The following CHMP7 variants were observed in gnomAD, a reference collection of about 807,000 sequenced individuals.
CHMP7 encodes charged multivesicular body protein 7.
Under a neutral mutation model 53.7 loss-of-function variants are expected in CHMP7, and 15 were observed. That is an observed-to-expected ratio of 0.28 (90% CI 0.19 to 0.43). The LOEUF (loss-of-function observed/expected upper bound fraction) is 0.43. Among genes scored for constraint, CHMP7 ranks in the 20% least tolerant of loss-of-function variants. CHMP7 has a pLI of 1.00. For synonymous variants in CHMP7, 261 were observed against 228.0 expected (o/e 1.14, Z -1.30); for missense variants, 527 against 569.4 (o/e 0.93, Z 0.76).
chr8:23,250,127 C>T (rs1220326814), intron 3 of CHMP7, among the ~76,000 whole-genome samples: 1 of 152,202 alleles, frequency 6.6e-6, no homozygotes, highest in East Asian at 1.9e-4. Flanking sequence ...CGGAGCCACA[C>T]CACAGCCTTA....
intron 5 of CHMP7, 92 bp downstream of exon 5, chr8:23,256,685 G>T (rs1802139692): frequency 5.1e-6 from 5 of 977,008 alleles, no homozygotes; most frequent in Non-Finnish European, 7.2e-6. Context: ...TTAAAAAATA[G>T]GTGGGTTTTT....
At chr8:23,245,508 G>C (rs1801654546) in intron 1 of CHMP7, among the ~76,000 whole-genome samples, 1 of 152,176 alleles carries the variant, frequency 6.6e-6, no homozygotes, top group Non-Finnish European at 1.5e-5. Context: ...TTGATACATT[G>C]TGGGTTTCAA....
In CHMP7 at chr8:23,246,244, C is replaced by A. The variant is rs1438083464; in HGVS notation, c.-440-12C>A. On this transcript the variant is annotated splice_polypyrimidine_tract_variant and intron_variant, in intron 1 of 10. Coordinates refer to ENST00000397677, the MANE Select transcript of CHMP7 (RefSeq NM_152272.5). ...TTTGTGCATTCATTGATATAAATTTCCCTCTATACAGAGATTCACGGATCC... is the reference window on the plus strand; with the variant it reads ...TTTGTGCATTCATTGATATAAATTTACCTCTATACAGAGATTCACGGATCC... The A allele has an allele frequency of 6.4e-6, 1 of 157,056 alleles. No individual in the cohort carries two copies. Among genetic ancestry groups the A allele is most frequent in the African/African-American group, 2.4e-5 (1 of 41,586 alleles). 9.7% of individuals were successfully genotyped at this position (157,056 alleles called of 1,614,324 possible). A position where few individuals can be genotyped will look rare whatever the true frequency, so the allele number is the denominator to read the frequency against.
At chr8:23,260,505 G>C in intron 10 of CHMP7, 33 bp from the exon 11 acceptor site, 2 of 1,588,372 alleles carry the variant, frequency 1.3e-6, no homozygotes, top group East Asian at 4.6e-5. Context: ...AGATTTTCCT[G>C]TTATAGTGTT....
intron 7 of CHMP7, 44 bp from the exon 8 acceptor site, chr8:23,258,688 C>G (rs965640881): frequency 3.5e-6 from 5 of 1,429,512 alleles, no homozygotes; most frequent in Non-Finnish European, 4.9e-6. Flanking sequence ...ATGTATTTTG[C>G]CAAATGTCTG....
chr8:23,253,591 T>C (rs1394756205), intron 3 of CHMP7, among the ~76,000 whole-genome samples: 3 of 152,192 alleles, frequency 2.0e-5, no homozygotes, highest in African/African-American at 7.2e-5. Context: ...GCCTGGCTTC[T>C]CTCAGACATC....
rs1000492217 is a variant in CHMP7 at position 23,258,029 on chromosome 8, C to T, written c.792-4C>T. The T allele has an allele frequency of 1.9e-6, 3 of 1,610,060 alleles. No individual in the cohort carries two copies. The highest frequency in any genetic ancestry group is 3.3e-5 in the Admixed American group (2 of 59,770). On this transcript the variant is annotated splice_region_variant and splice_polypyrimidine_tract_variant and intron_variant, in intron 5 of 10. Transcript: ENST00000397677. Reference sequence around the variant, plus strand: ...AGTAATCTTATCTGTCCCTTTGTTTCCAGGTGTAAAGAAGAAGCCCGCCGG... The same window carrying T: ...AGTAATCTTATCTGTCCCTTTGTTTTCAGGTGTAAAGAAGAAGCCCGCCGG...
At chr8:23,247,108 C>T in intron 2 of CHMP7, 114 bp downstream of exon 2, 3 of 1,065,030 alleles carry the variant, frequency 2.8e-6, no homozygotes, top group Non-Finnish European at 3.9e-6. Context: ...GTGTCTGGCC[C>T]AGAGAAGGCA....
At position 23,256,555 on chromosome 8, in the gene CHMP7, C is replaced by T. The variant is rs1172505457; in HGVS notation, c.753C>T (p.Leu251=). 6.2e-7 allele frequency: 1 copy of T among 1,614,060 alleles called. No individual in the cohort carries two copies. The highest frequency in any genetic ancestry group is 8.5e-7 in the Non-Finnish European group (1 of 1,179,924). The stretch of plus-strand genomic sequence containing the variant: ...AGCTGATGCAGAGTGAACAGCTTCT[C>T]TCACGCAAAGTGGAGTCCTTATCCC... ...VYQLMQSEQL[L]SRKVESLSQE... is the part of the protein sequence containing the mutation. The change falls in exon 5 of 11, where the codon CTC becomes CTT. Residue 251 remains leucine, a synonymous_variant. Transcript: ENST00000397677.
chr8:23,258,103 AC>A, intron 6 of CHMP7, 22 bp downstream of exon 6: 1 of 1,605,070 alleles, frequency 6.2e-7, no homozygotes, highest in Non-Finnish European at 8.5e-7. Flanking sequence ...TCTCCTCCAG[AC>A]CCATAGCAGT....
At chr8:23,252,577 C>T (rs6998752) in intron 3 of CHMP7, 30 of 152,256 alleles carry the variant, frequency 2.0e-4, no homozygotes, top group African/African-American at 6.5e-4. Context: ...AATATTGTTT[C>T]TCAGTCTGTT....
In CHMP7 at chr8:23,246,894, C is replaced by G. The variant is rs1392514754; in HGVS notation, c.199C>G (p.Gln67Glu). 22 of 1,584,674 alleles carry G rather than the reference C, an allele frequency of 1.4e-5. No individual in the cohort carries two copies. The highest frequency in any genetic ancestry group is 1.7e-5 in the Non-Finnish European group (20 of 1,166,248). ...APLVLSHSRR[Q>E]GVVRLRLRDL... is the part of the protein sequence containing the mutation. Reference sequence around the variant, plus strand: ...GTTGGTGCTGAGCCACAGCCGCCGCCAGGGGGTGGTGCGCCTGCGTCTGCG... The same window carrying G: ...GTTGGTGCTGAGCCACAGCCGCCGCGAGGGGGTGGTGCGCCTGCGTCTGCG... The change falls in exon 2 of 11, where the codon CAG becomes GAG. Residue 67 changes from glutamine (Q) to glutamate (E), a missense_variant. Physicochemically the swap from Gln to Glu is conservative, Grantham distance 29. Transcript: ENST00000397677.
In CHMP7 at chr8:23,260,638, A is replaced by G; in HGVS notation, c.*39A>G. On this transcript the variant is annotated 3_prime_UTR_variant, in exon 11 of 11. Transcript: ENST00000397677. ...AGGACCCTCATGTAAAAGAGAGACCAGGCTTGCTGGGTGTGTACATAGTTA... is the reference window on the plus strand; with the variant it reads ...AGGACCCTCATGTAAAAGAGAGACCGGGCTTGCTGGGTGTGTACATAGTTA... 5 of 1,498,304 alleles carry G rather than the reference A, an allele frequency of 3.3e-6. No homozygotes were observed. Among genetic ancestry groups the G allele is most frequent in the Non-Finnish European group, 3.7e-6 (4 of 1,074,160 alleles). 92.8% of individuals were successfully genotyped at this position (1,498,304 alleles called of 1,614,324 possible). A position where few individuals can be genotyped will look rare whatever the true frequency, so the allele number is the denominator to read the frequency against.
chr8:23,246,001 CTT>C (rs1454960822), intron 1 of CHMP7: 1 of 152,016 alleles, frequency 6.6e-6, no homozygotes, highest in Admixed American at 6.6e-5. Context: ...TGTTTTTTCT[CTT>C]TGTTAGCCAG....
chr8:23,260,580 C>T lies in CHMP7; in HGVS notation c.1343C>T (p.Pro448Leu). The change falls in exon 11 of 11, where the codon CCG (proline) becomes CTG (leucine). Residue 448 changes from proline (P) to leucine (L), a missense_variant. Physicochemically the swap from Pro to Leu is moderately conservative, Grantham distance 98 (BLOSUM62 -3). Transcript: ENST00000397677. ...SSKSPKRQLE[P>L]TLKPL ...AAATCTCCAAAAAGGCAATTGGAAC[C>T]GACTCTAAAGCCATTGTAGGACCCT... 1.9e-6 allele frequency: 3 copies of T among 1,613,954 alleles called. No homozygotes were observed. The highest frequency in any genetic ancestry group is 2.5e-6 in the Non-Finnish European group (3 of 1,179,798).
intron 5 of CHMP7, among the ~76,000 whole-genome samples, chr8:23,256,912 C>T (rs1187957473): frequency 1.3e-5 from 2 of 151,194 alleles, no homozygotes; most frequent in Admixed American, 1.3e-4. Flanking sequence ...CCTGCGCCAG[C>T]CTCCCGAGTA....
At position 23,246,542 on chromosome 8, in the gene CHMP7, C is replaced by G; in HGVS notation, c.-154C>G. 1.5e-6 allele frequency: 1 copy of G among 647,050 alleles called. No individual in the cohort carries two copies. The highest frequency in any genetic ancestry group is 2.6e-6 in the Non-Finnish European group (1 of 379,408). 40.1% of individuals were successfully genotyped at this position (647,050 alleles called of 1,614,324 possible). A position where few individuals can be genotyped will look rare whatever the true frequency, so the allele number is the denominator to read the frequency against. Reference sequence around the variant, plus strand: ...GACGGAGCGCAGCGCAACGCATGCGCCTTGAAGACTTATGGAACTTATTTC... The same window carrying G: ...GACGGAGCGCAGCGCAACGCATGCGGCTTGAAGACTTATGGAACTTATTTC... On this transcript the variant is annotated 5_prime_UTR_variant, in exon 2 of 11. Transcript: ENST00000397677.
chr8:23,255,469 GTGAT>G (rs777211878), intron 4 of CHMP7, 37 bp downstream of exon 4: 163 of 1,598,100 alleles, frequency 1.0e-4, no homozygotes, highest in Non-Finnish European at 1.3e-4. Flanking sequence ...TGACTCAGCA[GTGAT>G]TGATTAAGTA....
At chr8:23,259,674 TC>T (rs1563413310) in intron 9 of CHMP7, among the ~76,000 whole-genome samples, 1 of 152,182 alleles carries the variant, frequency 6.6e-6, no homozygotes, top group African/African-American at 2.4e-5. Context: ...GAGTGTTTCT[TC>T]CTTTCATCCT....
Sources: allele counts gnomAD v4.1 joint callset (sites outside exome capture counted in the v4.1 genomes callset), GRCh38; gene constraint gnomAD v4.1.1; transcripts MANE v1.5; gene names NCBI Gene and HGNC (gene_info 2026-07-23, HGNC 2026-07-21).